Variants in SCFD2 observed in about 807,000 individuals in gnomAD.
SCFD2 encodes the protein sec1 family domain-containing protein 2.
A neutral mutation model predicts 58.9 loss-of-function variants in SCFD2; 54 were observed. That is an observed-to-expected ratio of 0.92 (90% CI 0.74 to 1.15). The LOEUF (loss-of-function observed/expected upper bound fraction) is 1.15, where lower values mean the gene tolerates loss of function less well. Among genes scored for constraint, SCFD2 ranks in the 50% most tolerant of loss-of-function variants. The pLI, the probability that SCFD2 is intolerant of heterozygous loss-of-function variation, is 0.00. For missense variants in SCFD2, 805 were observed against 836.6 expected (o/e 0.96, Z 0.47); for synonymous variants, 321 against 335.9 (o/e 0.96, Z 0.49).
chr4:53,093,247 T>C (rs1724523001), intron 5 of SCFD2, among the ~76,000 whole-genome samples: 1 of 152,118 alleles, frequency 6.6e-6, no homozygotes. Flanking sequence ...CTGCAAATGA[T>C]AGGTGTTCAG....
At chr4:53,223,235 G>A (rs1455845099) in intron 4 of SCFD2, among the ~76,000 whole-genome samples, 2 of 151,976 alleles carry the variant, frequency 1.3e-5, no homozygotes, top group Non-Finnish European at 2.9e-5. Flanking sequence ...TTATTACTTA[G>A]TCTGAATTCT....
At chr4:53,344,654 C>T (rs528179064) in intron 2 of SCFD2, among the ~76,000 whole-genome samples, 1 of 152,308 alleles carries the variant, frequency 6.6e-6, no homozygotes, top group East Asian at 1.9e-4. Flanking sequence ...CAATCCTAAG[C>T]AAACAGAATG....
intron 5 of SCFD2, among the ~76,000 whole-genome samples, chr4:53,083,297 G>T (rs1219556682): frequency 6.6e-6 from 1 of 152,096 alleles, no homozygotes; most frequent in Non-Finnish European, 1.5e-5. Flanking sequence ...TAGAAACATG[G>T]ATGGTAAGGG....
At chr4:53,298,379 G>T (rs1393937426) in intron 3 of SCFD2, among the ~76,000 whole-genome samples, 1 of 152,164 alleles carries the variant, frequency 6.6e-6, no homozygotes. Flanking sequence ...AAACGGCAAG[G>T]CAGTAGCGAG....
At chr4:53,248,795 A>T (rs1022647296) in intron 4 of SCFD2, among the ~76,000 whole-genome samples, 1 of 152,120 alleles carries the variant, frequency 6.6e-6, no homozygotes, top group Non-Finnish European at 1.5e-5. Flanking sequence ...CACACCAAAA[A>T]CCCATCTGTA....
chr4:53,272,925 GTAAAAT>G (rs1034798286), intron 4 of SCFD2, among the ~76,000 whole-genome samples: 1 of 152,056 alleles, frequency 6.6e-6, no homozygotes, highest in Non-Finnish European at 1.5e-5. Flanking sequence ...TATCACTTAT[GTAAAAT>G]TAAAACCCAT....
chr4:53,304,889 T>C (rs1243211296), intron 3 of SCFD2, among the ~76,000 whole-genome samples: 1 of 152,080 alleles, frequency 6.6e-6, no homozygotes, highest in Non-Finnish European at 1.5e-5. Context: ...TTGTGATCCT[T>C]TGGAGGAGAA....
At chr4:53,254,645 T>C (rs182685059) in intron 4 of SCFD2, among the ~76,000 whole-genome samples, 1,850 of 151,736 alleles carry the variant, frequency 0.012, 14 homozygotes, top group Middle Eastern at 0.02. Context: ...GGCCGACCCA[T>C]GTCATTTTAG....
chr4:53,052,836 A>G (rs1723221033), intron 5 of SCFD2, among the ~76,000 whole-genome samples: 1 of 152,196 alleles, frequency 6.6e-6, no homozygotes, highest in Admixed American at 6.5e-5. Flanking sequence ...GACATGCAAC[A>G]ACATGATGGA....
intron 5 of SCFD2, among the ~76,000 whole-genome samples, chr4:53,053,106 T>A (rs772044385): frequency 4.0e-5 from 6 of 151,780 alleles, no homozygotes; most frequent in Non-Finnish European, 7.4e-5. Context: ...ACGCTTGTAA[T>A]CCCAGCTACT....
intron 4 of SCFD2, among the ~76,000 whole-genome samples, chr4:53,270,864 G>A (rs1489318276): frequency 9.9e-5 from 15 of 151,988 alleles, no homozygotes; most frequent in African/African-American, 3.4e-4. Flanking sequence ...AAAACTGGGG[G>A]AAAAAACACT....
At chr4:52,917,603 A>G (rs868379001) in intron 6 of SCFD2, among the ~76,000 whole-genome samples, 1 of 152,146 alleles carries the variant, frequency 6.6e-6, no homozygotes, top group African/African-American at 2.4e-5. Flanking sequence ...CTTTAAGTCA[A>G]GAGCTTCTGT....
At chr4:53,331,165 C>T (rs1733448346) in intron 2 of SCFD2, among the ~76,000 whole-genome samples, 1 of 151,516 alleles carries the variant, frequency 6.6e-6, no homozygotes, top group African/African-American at 2.4e-5. Context: ...TAACACCCCA[C>T]TGTCAACATT....
At chr4:52,889,872 A>G (rs554357108) in intron 7 of SCFD2, among the ~76,000 whole-genome samples, 6 of 152,268 alleles carry the variant, frequency 3.9e-5, no homozygotes, top group African/African-American at 7.2e-5. Context: ...GGGATTTTCC[A>G]TATCAGTAAG....
At chr4:53,275,528 T>C (rs1435218856) in intron 3 of SCFD2, among the ~76,000 whole-genome samples, 1 of 152,240 alleles carries the variant, frequency 6.6e-6, no homozygotes, top group African/African-American at 2.4e-5. Context: ...AGGTATTTTC[T>C]ACATACAGTA....
intron 5 of SCFD2, among the ~76,000 whole-genome samples, chr4:53,082,149 T>C (rs1201139836): frequency 6.6e-6 from 1 of 152,220 alleles, no homozygotes; most frequent in Non-Finnish European, 1.5e-5. Context: ...AATATTGCTA[T>C]TAACATTCAT....
At chr4:52,875,349 C>T (rs1342722637) in intron 8 of SCFD2, among the ~76,000 whole-genome samples, 1 of 152,148 alleles carries the variant, frequency 6.6e-6, no homozygotes, top group African/African-American at 2.4e-5. Flanking sequence ...GCGTGATGTG[C>T]TTTGCAAGGG....
intron 5 of SCFD2, among the ~76,000 whole-genome samples, chr4:53,044,916 C>CTCCGCCA (rs1337973164): frequency 9.1e-6 from 1 of 110,288 alleles, no homozygotes; most frequent in South Asian, 3.4e-4. Context: ...ACCCCCCCCC[C>CTCCGCCA]CCGCCCACAA....
At chr4:52,986,226 A>G (rs1721488809) in intron 5 of SCFD2, among the ~76,000 whole-genome samples, 1 of 46,270 alleles carries the variant, frequency 2.2e-5, no homozygotes, top group African/African-American at 5.1e-5. Context: ...AAAAAAGGGT[A>G]AAGTTTTTTT....
Sources: allele counts gnomAD v4.1 joint callset (sites outside exome capture counted in the v4.1 genomes callset), GRCh38; gene constraint gnomAD v4.1.1; transcripts MANE v1.5; gene names NCBI Gene and HGNC (gene_info 2026-07-23, HGNC 2026-07-21).